Variants in MCTP1 observed in about 807,000 individuals in gnomAD.
The protein encoded by MCTP1 is multiple C2 and transmembrane domain containing 1.
MCTP1 carries 69 observed loss-of-function variants against 120.6 expected under a neutral mutation model. The observed-to-expected ratio is 0.57, with a 90% CI of 0.47 to 0.70. The LOEUF (loss-of-function observed/expected upper bound fraction) is 0.70. Ranked by LOEUF, MCTP1 falls within the 30% of genes least tolerant of loss-of-function variation. MCTP1 has a pLI of 0.00. For synonymous variants in MCTP1, 529 were observed against 493.1 expected (o/e 1.07, Z -0.96); for missense variants, 1,203 against 1,248.8 (o/e 0.96, Z 0.55).
chr5:95,255,757 C>A (rs1021381908), intron 1 of MCTP1, among the ~76,000 whole-genome samples: 3 of 152,036 alleles, frequency 2.0e-5, no homozygotes, highest in African/African-American at 7.2e-5. Flanking sequence ...GTCAGAGAAC[C>A]AGGAATTAAA....
intron 12 of MCTP1, among the ~76,000 whole-genome samples, chr5:94,885,350 G>A (rs1001280094): frequency 2.0e-5 from 3 of 150,888 alleles, no homozygotes; most frequent in Middle Eastern, 3.2e-3. Flanking sequence ...AGGGGAAAAT[G>A]AAATGAAGGG....
At chr5:95,124,395 G>T (rs1228538766) in intron 1 of MCTP1, among the ~76,000 whole-genome samples, 1 of 152,212 alleles carries the variant, frequency 6.6e-6, no homozygotes, top group Non-Finnish European at 1.5e-5. Flanking sequence ...CTTTATAAAT[G>T]AGAAAATCTG....
intron 2 of MCTP1, among the ~76,000 whole-genome samples, chr5:94,969,573 A>C (rs1364439581): frequency 6.6e-6 from 1 of 152,090 alleles, no homozygotes; most frequent in Non-Finnish European, 1.5e-5. Flanking sequence ...GCCAAATTGC[A>C]ACTCAGTGTC....
chr5:94,891,857 G>T (rs1180297809), intron 11 of MCTP1, among the ~76,000 whole-genome samples: 1 of 152,056 alleles, frequency 6.6e-6, no homozygotes, highest in Non-Finnish European at 1.5e-5. Flanking sequence ...GCTATTTACG[G>T]TTATTTTAGA....
At chr5:94,735,048 G>A (rs1474317504) in intron 19 of MCTP1, among the ~76,000 whole-genome samples, 1 of 152,170 alleles carries the variant, frequency 6.6e-6, no homozygotes, top group African/African-American at 2.4e-5. Flanking sequence ...TGTATCTGTA[G>A]TATAAACTTC....
intron 1 of MCTP1, among the ~76,000 whole-genome samples, chr5:95,274,514 A>C (rs1759655430): frequency 1.3e-5 from 2 of 151,618 alleles, no homozygotes. Flanking sequence ...TTTATCTTTG[A>C]CCTCTCCCTC....
rs553176843 is a variant in MCTP1, at chr5:94,734,626, T to G, written c.2611-19740A>C. On this transcript the variant is annotated intron_variant, in intron 19 of 22. Transcript: ENST00000515393. ...GCTGTGCCACTACACCTGGCGAATT[T>G]TTGTACATTTTGGAGAGATAGGATC... Among the ~76,000 whole-genome samples the G allele has an allele frequency of 2.6e-5, 4 of 152,306 alleles. No homozygotes were observed. In the East Asian group the frequency reaches 7.7e-4, roughly 29 times the overall value.
chr5:94,953,114 A>G (rs1821044496), intron 3 of MCTP1, 105 bp downstream of exon 3: 3 of 1,024,676 alleles, frequency 2.9e-6, no homozygotes, highest in South Asian at 1.8e-5. Context: ...AGAGCAGAAC[A>G]CATCTCTGGT....
chr5:95,021,065 G>A (rs950574907), intron 1 of MCTP1, among the ~76,000 whole-genome samples: 1 of 152,034 alleles, frequency 6.6e-6, no homozygotes, highest in Non-Finnish European at 1.5e-5. Context: ...ATAGCTTGCT[G>A]GTTTAGCTGA....
rs552482877 is a variant in MCTP1, at chr5:94,751,701, C to T, written c.2610+27409G>A. Among the ~76,000 whole-genome samples, 3 of 152,148 alleles carry T rather than the reference C, an allele frequency of 2.0e-5. No homozygotes were observed. In the South Asian group the frequency reaches 6.2e-4, roughly 32 times the overall value. ...CTTTGAGAGTGTCAGCAAAGCAGAG[C>T]CGTTGTTGAATGGCATGTGTCCTTG... On this transcript the variant is annotated intron_variant, in intron 19 of 22. Transcript: ENST00000515393.
At chr5:95,152,507 G>A (rs1364710936) in intron 1 of MCTP1, among the ~76,000 whole-genome samples, 2 of 152,130 alleles carry the variant, frequency 1.3e-5, no homozygotes, top group African/African-American at 4.8e-5. Context: ...ACTAGGAAAT[G>A]TTACCAGATA....
intron 1 of MCTP1, among the ~76,000 whole-genome samples, chr5:95,086,022 T>A (rs1755417261): frequency 6.6e-6 from 1 of 152,160 alleles, no homozygotes; most frequent in Non-Finnish European, 1.5e-5. Context: ...TACTATTGTT[T>A]ATAATGTCCT....
Position 94,870,986 on chromosome 5 carries a change from G to GACAT in MCTP1, c.2140-17_2140-14dup. 1 of 1,605,674 alleles carries GACAT rather than the reference G, an allele frequency of 6.2e-7. No homozygotes were observed. The highest frequency in any genetic ancestry group is 8.5e-7 in the Non-Finnish European group (1 of 1,172,862). The stretch of plus-strand genomic sequence containing the variant: ...CACCATTTTGAATCTGCGGGAAAAG[G>GACAT]ACATGACAGCCGTCTGTCTCGCGGT... On this transcript the variant is annotated splice_polypyrimidine_tract_variant and intron_variant, in intron 14 of 22. Coordinates refer to ENST00000515393, the MANE Select transcript of MCTP1 (RefSeq NM_024717.7).
intron 1 of MCTP1, among the ~76,000 whole-genome samples, chr5:95,274,564 C>T (rs1759659946): frequency 6.6e-6 from 1 of 152,292 alleles, no homozygotes; most frequent in African/African-American, 2.4e-5. Flanking sequence ...AAGGTATCTC[C>T]ATTTATAAAA....
chr5:95,060,284 G>T (rs1476351749), intron 1 of MCTP1, among the ~76,000 whole-genome samples: 2 of 152,148 alleles, frequency 1.3e-5, no homozygotes, highest in Admixed American at 1.3e-4. Flanking sequence ...GGAAGCACCT[G>T]GCTCTGTGTT....
At chr5:94,935,935 G>C (rs1816081089) in intron 5 of MCTP1, among the ~76,000 whole-genome samples, 2 of 151,912 alleles carry the variant, frequency 1.3e-5, no homozygotes, top group African/African-American at 2.4e-5. Context: ...ATGTTTTTTA[G>C]ATATCTAAAA....
At chr5:95,230,995 G>A (rs775346491) in intron 1 of MCTP1, among the ~76,000 whole-genome samples, 1 of 152,124 alleles carries the variant, frequency 6.6e-6, no homozygotes, top group Non-Finnish European at 1.5e-5. Context: ...GCAAATAGAG[G>A]TAGAGGATGG....
intron 1 of MCTP1, among the ~76,000 whole-genome samples, chr5:95,200,535 G>A (rs1205784426): frequency 1.4e-4 from 22 of 152,324 alleles, no homozygotes; most frequent in African/African-American, 4.8e-4. Context: ...AAGGACACTT[G>A]TGTTATTTGC....
intron 19 of MCTP1, among the ~76,000 whole-genome samples, chr5:94,720,121 C>G (rs1760541820): frequency 6.6e-6 from 1 of 150,542 alleles, no homozygotes; most frequent in African/African-American, 2.4e-5. Flanking sequence ...AGCGAAACTC[C>G]TCTCAAAAAA....
Sources: gnomAD v4.1 joint callset for allele counts (sites outside exome capture counted in the v4.1 genomes callset) on GRCh38, gnomAD v4.1.1 for gene constraint, MANE v1.5 for transcripts, NCBI Gene and HGNC (gene_info 2026-07-23, HGNC 2026-07-21) for gene names.